Variants in ASIC2 observed in about 807,000 individuals in gnomAD.
ASIC2 encodes acid-sensing ion channel 2.
In ASIC2, 25 loss-of-function variants were observed where a neutral mutation model predicts 57.3. That is an observed-to-expected ratio of 0.44 (90% CI 0.32 to 0.61). ASIC2 has a LOEUF of 0.61. Among genes scored for constraint, ASIC2 ranks in the 20% least tolerant of loss-of-function variants. ASIC2 has a pLI of 0.06. For missense variants in ASIC2, 641 were observed against 738.1 expected, an observed-to-expected ratio of 0.87 and a Z score of 1.52; for synonymous variants, 319 against 307.5, an observed-to-expected ratio of 1.04 and a Z score of -0.39.
chr17:33,152,926 C>T (rs1048583199), intron 1 of ASIC2, among the ~76,000 whole-genome samples: 30 of 152,182 alleles, frequency 2.0e-4, no homozygotes, highest in Non-Finnish European at 3.1e-4. Flanking sequence ...CCCTCCCCTC[C>T]GAGGCCGGAA....
At chr17:33,907,528 T>C (rs1915374668) in intron 1 of ASIC2, among the ~76,000 whole-genome samples, 1 of 152,170 alleles carries the variant, frequency 6.6e-6, no homozygotes, top group Non-Finnish European at 1.5e-5. Context: ...TGTGACCCAT[T>C]ACTCATTCTC....
chr17:34,144,137 C>T (rs919703693), intron 1 of ASIC2, among the ~76,000 whole-genome samples: 2 of 151,662 alleles, frequency 1.3e-5, no homozygotes, highest in Non-Finnish European at 2.9e-5. Context: ...TTTTTCCATA[C>T]AAAAAAAAGA....
intron 1 of ASIC2, chr17:34,069,650 AGAG>A (rs1375980185): frequency 1.3e-5 from 2 of 152,394 alleles, no homozygotes; most frequent in Non-Finnish European, 2.9e-5. Context: ...ATAGAAGGTG[AGAG>A]GAGGAGAGGG....
chr17:33,923,291 A>G (rs1423876752), intron 1 of ASIC2, among the ~76,000 whole-genome samples: 1 of 152,196 alleles, frequency 6.6e-6, no homozygotes, highest in Non-Finnish European at 1.5e-5. Context: ...GTACTGCCTG[A>G]GCTTGAGAAA....
At chr17:33,374,728 G>C (rs147032190) in intron 1 of ASIC2, among the ~76,000 whole-genome samples, 1 of 152,294 alleles carries the variant, frequency 6.6e-6, no homozygotes, top group Non-Finnish European at 1.5e-5. Context: ...CCCAGACCAG[G>C]AGTCCAGGGA....
At chr17:33,695,133 T>G (rs12451833) in intron 1 of ASIC2, among the ~76,000 whole-genome samples, 52,592 of 152,116 alleles carry the variant, frequency 0.35, 10,644 homozygotes, top group African/African-American at 0.57. Context: ...CTATTATAAT[T>G]TAAACACTGA....
At chr17:33,859,707 G>C (rs1914055618) in intron 1 of ASIC2, among the ~76,000 whole-genome samples, 1 of 152,172 alleles carries the variant, frequency 6.6e-6, no homozygotes, top group South Asian at 2.1e-4. Context: ...ATTGTTTTGA[G>C]ACAGGGTCTG....
chr17:33,099,155 G>C (rs1328364755), intron 2 of ASIC2, among the ~76,000 whole-genome samples: 3 of 151,738 alleles, frequency 2.0e-5, no homozygotes, highest in Non-Finnish European at 4.4e-5. Flanking sequence ...ACCATGCCCG[G>C]CTAGGTTTTT....
chr17:34,129,908 T>C (rs972015630), intron 1 of ASIC2, among the ~76,000 whole-genome samples: 1 of 152,090 alleles, frequency 6.6e-6, no homozygotes, highest in African/African-American at 2.4e-5. Context: ...ATGTCCTGCC[T>C]CTCAAGGGGG....
chr17:33,472,847 G>C, intron 1 of ASIC2, among the ~76,000 whole-genome samples: 1 of 152,162 alleles, frequency 6.6e-6, no homozygotes, highest in East Asian at 1.9e-4. Context: ...TGGGGGTTTG[G>C]AGTCCAGGAA....
intron 1 of ASIC2, chr17:33,112,738 A>G (rs1009389812): frequency 1.3e-5 from 2 of 152,146 alleles, no homozygotes; most frequent in East Asian, 1.9e-4. Context: ...TTAGGACCCA[A>G]GCGTTTTTTG....
chr17:34,118,235 A>AC (rs1911486369), intron 1 of ASIC2: 1 of 152,244 alleles, frequency 6.6e-6, no homozygotes, highest in African/African-American at 2.4e-5. Context: ...CTAATAGTAT[A>AC]CACCTCACAG....
At chr17:33,234,585 T>C (rs1045017621) in intron 1 of ASIC2, among the ~76,000 whole-genome samples, 3 of 152,220 alleles carry the variant, frequency 2.0e-5, no homozygotes, top group African/African-American at 7.2e-5. Context: ...AAAAGCACCT[T>C]AGACTGTGTG....
chr17:33,978,271 G>A (rs1468656712), intron 1 of ASIC2, among the ~76,000 whole-genome samples: 1 of 152,184 alleles, frequency 6.6e-6, no homozygotes, highest in Non-Finnish European at 1.5e-5. Flanking sequence ...TTTCCGTGAA[G>A]GCAGAGAGAG....
chr17:33,580,058 C>T (rs1213244809), intron 1 of ASIC2: 1 of 152,164 alleles, frequency 6.6e-6, no homozygotes, highest in Non-Finnish European at 1.5e-5. Flanking sequence ...AAAAGTTCCC[C>T]AAGTCCCCAC....
intron 1 of ASIC2, among the ~76,000 whole-genome samples, chr17:33,463,621 C>A (rs986109621): frequency 6.6e-6 from 1 of 152,186 alleles, no homozygotes; most frequent in Non-Finnish European, 1.5e-5. Flanking sequence ...TGAGCCCCAG[C>A]CCTTATGGAC....
chr17:33,211,951 G>A (rs1406741617), intron 1 of ASIC2, among the ~76,000 whole-genome samples: 2 of 143,796 alleles, frequency 1.4e-5, no homozygotes, highest in Non-Finnish European at 2.9e-5. Context: ...GGATCCTATC[G>A]ATCCTCACTA....
intron 1 of ASIC2, among the ~76,000 whole-genome samples, chr17:33,337,561 T>C (rs972617663): frequency 5.3e-5 from 8 of 152,252 alleles, no homozygotes; most frequent in Non-Finnish European, 7.3e-5. Flanking sequence ...TTTAGCATTC[T>C]TGTAAAGATG....
At chr17:33,056,495 C>T (rs2091998556) in intron 3 of ASIC2, among the ~76,000 whole-genome samples, 3 of 152,132 alleles carry the variant, frequency 2.0e-5, no homozygotes, top group Admixed American at 1.3e-4. Flanking sequence ...AGGGAATAGA[C>T]ACAGGTTGAG....
Sources: gnomAD v4.1 joint callset for allele counts (sites outside exome capture counted in the v4.1 genomes callset) on GRCh38, gnomAD v4.1.1 for gene constraint, MANE v1.5 for transcripts, NCBI Gene and HGNC (gene_info 2026-07-23, HGNC 2026-07-21) for gene names.